The following KIAA1217 variants were observed in gnomAD, a reference collection of about 807,000 sequenced individuals.
KIAA1217 encodes KIAA1217.
A neutral mutation model predicts 163.9 loss-of-function variants in KIAA1217; 88 were observed. The observed-to-expected ratio is 0.54, with a 90% CI of 0.45 to 0.64. The LOEUF (loss-of-function observed/expected upper bound fraction) is 0.64. KIAA1217 is among the 30% of genes least tolerant of loss of function. The probability of loss-of-function intolerance (pLI) is 0.00; values close to 1 mark genes in which losing one functional copy is unlikely to be tolerated. For missense variants in KIAA1217, 2,372 were observed against 2,475.0 expected (o/e 0.96, Z 0.88); for synonymous variants, 903 against 923.1 (o/e 0.98, Z 0.39).
intron 1 of KIAA1217, among the ~76,000 whole-genome samples, chr10:23,982,529 TTCTC>T (rs59075123): frequency 0.038 from 2,774 of 73,516 alleles, 57 homozygotes; most frequent in African/African-American, 0.045. Flanking sequence ...TGTTTTTTGT[TTCTC>T]TCTCTCTCTC....
At chr10:24,152,323 T>A (rs78841941) in intron 2 of KIAA1217, among the ~76,000 whole-genome samples, 3,019 of 152,356 alleles carry the variant, frequency 0.02, 42 homozygotes, top group South Asian at 0.069. Flanking sequence ...CTTATTGTAG[T>A]AAATATCCAC....
At chr10:24,077,773 G>T (rs2061414619) in intron 2 of KIAA1217, among the ~76,000 whole-genome samples, 1 of 152,174 alleles carries the variant, frequency 6.6e-6, no homozygotes, top group Non-Finnish European at 1.5e-5. Flanking sequence ...CTTCCAAAAT[G>T]GTTCAGCTAA....
At chr10:24,067,751 C>T (rs1363323327) in intron 2 of KIAA1217, among the ~76,000 whole-genome samples, 1 of 152,266 alleles carries the variant, frequency 6.6e-6, no homozygotes, top group Non-Finnish European at 1.5e-5. Context: ...GTGGAGCCTA[C>T]AGAGGCAGGC....
chr10:23,949,808 C>G (rs1844244224), intron 1 of KIAA1217, among the ~76,000 whole-genome samples: 1 of 152,046 alleles, frequency 6.6e-6, no homozygotes, highest in African/African-American at 2.4e-5. Context: ...TAATTAAATG[C>G]TCTAGTTTGT....
At chr10:24,145,713 G>A (rs868547142) in intron 2 of KIAA1217, among the ~76,000 whole-genome samples, 2 of 152,184 alleles carry the variant, frequency 1.3e-5, no homozygotes, top group Non-Finnish European at 2.9e-5. Flanking sequence ...GTCTGTGGCC[G>A]AAGGCCCGAG....
intron 10 of KIAA1217, among the ~76,000 whole-genome samples, chr10:24,516,644 T>C (rs568657841): frequency 6.6e-6 from 1 of 152,320 alleles, no homozygotes; most frequent in Non-Finnish European, 1.5e-5. Context: ...TAGAGCTGTA[T>C]TGGAGAGAGG....
chr10:23,929,821 A>G (rs984813065), intron 1 of KIAA1217, among the ~76,000 whole-genome samples: 6 of 152,210 alleles, frequency 3.9e-5, no homozygotes, highest in Non-Finnish European at 4.4e-5. Flanking sequence ...ATATATACCC[A>G]GTGATGGGGT....
chr10:24,480,874 TG>T (rs1168343487), intron 6 of KIAA1217, among the ~76,000 whole-genome samples: 1 of 152,224 alleles, frequency 6.6e-6, no homozygotes, highest in Non-Finnish European at 1.5e-5. Context: ...GTATCAAAAC[TG>T]CTTCGAAGTT....
rs370740572 is a variant in KIAA1217, at chr10:23,826,844, G to A, written c.-321+131610G>A. Among the ~76,000 whole-genome samples, 133 of 152,226 alleles carry A rather than the reference G, an allele frequency of 8.7e-4. 3 individuals carry two copies. In the South Asian group the frequency reaches 0.027, roughly 30 times the overall value. ...GTTTCATGCTGTGGGTCAGAGCTTC[G>A]TGAACTGTTTCTCTGGTCCAACTCA... On this transcript the variant is annotated intron_variant, in intron 1 of 18. Coordinates refer to the KIAA1217 transcript ENST00000376462.
chr10:24,090,374 C>T (rs1780714238), intron 2 of KIAA1217, among the ~76,000 whole-genome samples: 1 of 101,598 alleles, frequency 9.8e-6, no homozygotes, highest in Non-Finnish European at 1.8e-5. Context: ...GAGACAGGGT[C>T]TTGCTATATT....
intron 14 of KIAA1217, among the ~76,000 whole-genome samples, chr10:24,531,587 GTATAT>G (rs2073134350): frequency 6.6e-6 from 1 of 152,150 alleles, no homozygotes; most frequent in Non-Finnish European, 1.5e-5. Flanking sequence ...CCAGAGGAAA[GTATAT>G]TATACTACCC....
At chr10:24,004,167 C>T (rs865954839) in intron 1 of KIAA1217, among the ~76,000 whole-genome samples, 2 of 151,904 alleles carry the variant, frequency 1.3e-5, no homozygotes, top group South Asian at 2.1e-4. Flanking sequence ...TTAGTAGAGA[C>T]GGGGTTTCAC....
intron 2 of KIAA1217, among the ~76,000 whole-genome samples, chr10:24,187,174 T>C (rs555557497): frequency 6.6e-6 from 1 of 152,318 alleles, no homozygotes; most frequent in South Asian, 2.1e-4. Flanking sequence ...AGACCCCATC[T>C]TTGACTCAAT....
chr10:24,341,199 T>C (rs564027551), intron 2 of KIAA1217, among the ~76,000 whole-genome samples: 13 of 152,208 alleles, frequency 8.5e-5, no homozygotes, highest in Non-Finnish European at 1.6e-4. Context: ...AGTGCCCAGC[T>C]TGCAAATGAA....
chr10:23,840,106 C>A (rs758862266), intron 1 of KIAA1217, among the ~76,000 whole-genome samples: 1 of 151,838 alleles, frequency 6.6e-6, no homozygotes, highest in African/African-American at 2.4e-5. Context: ...GTTGGTATAT[C>A]TGGTGTGCTA....
At chr10:24,234,009 C>T (rs773950955) in intron 2 of KIAA1217, among the ~76,000 whole-genome samples, 10 of 152,104 alleles carry the variant, frequency 6.6e-5, no homozygotes, top group Non-Finnish European at 1.3e-4. Flanking sequence ...TGTCTGTTAA[C>T]TTTTTAAAAA....
At chr10:23,985,858 T>C (rs1343114891) in intron 1 of KIAA1217, among the ~76,000 whole-genome samples, 1 of 152,166 alleles carries the variant, frequency 6.6e-6, no homozygotes, top group African/African-American at 2.4e-5. Context: ...CAACAAATTA[T>C]CTGTAGGCTG....
intron 1 of KIAA1217, among the ~76,000 whole-genome samples, chr10:23,839,253 T>G (rs2131062006): frequency 6.6e-6 from 1 of 152,330 alleles, no homozygotes; most frequent in South Asian, 2.1e-4. Flanking sequence ...CTGATTAAAT[T>G]TTGAGATGAC....
chr10:24,034,822 C>T (rs1363850654), intron 2 of KIAA1217, among the ~76,000 whole-genome samples: 1 of 152,200 alleles, frequency 6.6e-6, no homozygotes, highest in Non-Finnish European at 1.5e-5. Context: ...CAGGCTGCTG[C>T]CTTCCCATCT....
Sources: allele counts gnomAD v4.1 joint callset (sites outside exome capture counted in the v4.1 genomes callset), GRCh38; gene constraint gnomAD v4.1.1; transcripts MANE v1.5; gene names NCBI Gene and HGNC (gene_info 2026-07-23, HGNC 2026-07-21).